MMP26: variants seen among roughly 807,000 people sequenced by gnomAD.
MMP26 encodes matrix metalloproteinase-26.
A neutral mutation model predicts 31.0 loss-of-function variants in MMP26; 33 were observed. That is an observed-to-expected ratio of 1.06 (90% confidence interval 0.81 to 1.42). The LOEUF (loss-of-function observed/expected upper bound fraction) is 1.42, where lower values mean the gene tolerates loss of function less well. Among genes scored for constraint, MMP26 ranks in the 40% most tolerant of loss-of-function variants. The probability of loss-of-function intolerance (pLI) is 0.00; values close to 1 mark genes in which losing one functional copy is unlikely to be tolerated. For synonymous variants in MMP26, 122 were observed against 114.9 expected (o/e 1.06, Z -0.40); for missense variants, 347 against 316.1 (o/e 1.10, Z -0.74).
At chr11:4,789,530 C>CCTTTTTT (rs1848993184) in intron 2 of MMP26, among the ~76,000 whole-genome samples, 13 of 65,944 alleles carry the variant, frequency 2.0e-4, no homozygotes, top group Non-Finnish European at 2.2e-4. Context: ...TATCCCCCCA[C>CCTTTTTT]TTTTTTTTTT....
intron 2 of MMP26, among the ~76,000 whole-genome samples, chr11:4,974,307 G>T (rs1032124908): frequency 2.0e-5 from 3 of 151,314 alleles, no homozygotes; most frequent in Admixed American, 6.6e-5. Context: ...GAAAAAAAAG[G>T]TCTAAAATTT....
At chr11:4,940,254 C>T (rs912584690) in intron 2 of MMP26, among the ~76,000 whole-genome samples, 1 of 152,136 alleles carries the variant, frequency 6.6e-6, no homozygotes, top group Non-Finnish European at 1.5e-5. Context: ...ACATCCTTCT[C>T]ACACGTATCA....
At chr11:4,820,022 A>T (rs1275715654) in intron 2 of MMP26, among the ~76,000 whole-genome samples, 1 of 152,162 alleles carries the variant, frequency 6.6e-6, no homozygotes, top group Non-Finnish European at 1.5e-5. Context: ...TCATATCTCC[A>T]CAGTTCACAT....
intron 2 of MMP26, among the ~76,000 whole-genome samples, chr11:4,987,182 G>A (rs1303353948): frequency 6.6e-6 from 1 of 150,934 alleles, no homozygotes; most frequent in African/African-American, 2.4e-5. Flanking sequence ...GCACCCAGCC[G>A]AGTCGTGTGA....
rs188290108 is a variant in MMP26, at chr11:4,706,025, A to T, written c.-217+980A>T. ...TGTTCTTGGACCCATGTTTGCTAATAGAGTTCCCTCTGTTACAAGAATCCT... is the reference window on the plus strand; with the variant it reads ...TGTTCTTGGACCCATGTTTGCTAATTGAGTTCCCTCTGTTACAAGAATCCT... On this transcript the variant is annotated intron_variant, in intron 1 of 7. Transcript: ENST00000380390. Among the ~76,000 whole-genome samples, 367 of 152,100 alleles carry T rather than the reference A, an allele frequency of 2.4e-3. 1 individual carries two copies. The highest frequency in any genetic ancestry group is 8.4e-3 in the African/African-American group (349 of 41,472).
intron 1 of MMP26, chr11:4,736,439 C>G (rs968688601): frequency 7.2e-5 from 11 of 152,128 alleles, no homozygotes; most frequent in Admixed American, 6.5e-4. Flanking sequence ...TCTTAATAAT[C>G]AGGATATAGG....
intron 1 of MMP26, among the ~76,000 whole-genome samples, chr11:4,737,510 G>C (rs1226112688): frequency 6.6e-6 from 1 of 152,150 alleles, no homozygotes; most frequent in Non-Finnish European, 1.5e-5. Context: ...TGGCGTGGTG[G>C]TGCATGCCTG....
intron 2 of MMP26, among the ~76,000 whole-genome samples, chr11:4,863,295 G>C (rs1478588029): frequency 3.3e-5 from 5 of 150,546 alleles, no homozygotes; most frequent in Non-Finnish European, 4.4e-5. Flanking sequence ...TTAATTTTCA[G>C]ACCCTTCCTT....
chr11:4,923,530 C>T (rs747446143), intron 2 of MMP26: 2 of 1,614,068 alleles, frequency 1.2e-6, no homozygotes, highest in East Asian at 4.5e-5. Flanking sequence ...CAACGCGGGG[C>T]AGATGTTCAC....
At chr11:4,782,103 A>G (rs1276233319) in intron 2 of MMP26, among the ~76,000 whole-genome samples, 1 of 152,236 alleles carries the variant, frequency 6.6e-6, no homozygotes, top group African/African-American at 2.4e-5. Flanking sequence ...ACTGCTGAAA[A>G]GATACCCCAA....
chr11:4,918,020 T>C (rs1037793895), intron 2 of MMP26, among the ~76,000 whole-genome samples: 25 of 151,840 alleles, frequency 1.6e-4, no homozygotes, highest in African/African-American at 5.6e-4. Context: ...ATAGAATTAC[T>C]GAAGAACAGC....
intron 2 of MMP26, among the ~76,000 whole-genome samples, chr11:4,797,266 G>C (rs1054896037): frequency 3.9e-5 from 6 of 152,108 alleles, no homozygotes; most frequent in South Asian, 2.1e-4. Context: ...AGAAATGAAA[G>C]AATGAATGAA....
intron 5 of MMP26, 72 bp downstream of exon 5, chr11:4,990,818 C>A: frequency 2.1e-6 from 3 of 1,438,236 alleles, no homozygotes; most frequent in South Asian, 1.6e-5. Context: ...CATCCTTAAA[C>A]AAAAACCTAG....
intron 2 of MMP26, among the ~76,000 whole-genome samples, chr11:4,854,430 C>T (rs374763248): frequency 5.9e-4 from 90 of 152,306 alleles, no homozygotes; most frequent in African/African-American, 1.9e-3. Context: ...ACGCCTGGCT[C>T]GGAGGGTCCC....
chr11:4,719,131 C>T (rs1343819443), intron 1 of MMP26: 1 of 155,298 alleles, frequency 6.4e-6, no homozygotes, highest in Non-Finnish European at 1.5e-5. Context: ...CTGCTGCAGC[C>T]ACGTGCTCCA....
intron 2 of MMP26, among the ~76,000 whole-genome samples, chr11:4,796,944 T>G (rs1178096670): frequency 6.6e-6 from 1 of 152,066 alleles, no homozygotes; most frequent in African/African-American, 2.4e-5. Context: ...CGGGCTCCTG[T>G]ACTCACCTGC....
chr11:4,929,868 TAAG>T (rs2133589582), intron 2 of MMP26, among the ~76,000 whole-genome samples: 1 of 152,244 alleles, frequency 6.6e-6, no homozygotes, highest in African/African-American at 2.4e-5. Flanking sequence ...TTAATTCAGT[TAAG>T]AAGTTCAGCA....
intron 2 of MMP26, among the ~76,000 whole-genome samples, chr11:4,815,876 T>C (rs1425559862): frequency 1.3e-5 from 2 of 152,188 alleles, no homozygotes; most frequent in Non-Finnish European, 2.9e-5. Context: ...TCAGTCCTAA[T>C]GAGTCAGAAT....
chr11:4,914,314 A>G, intron 2 of MMP26: 1 of 166,120 alleles, frequency 6.0e-6, no homozygotes, highest in Non-Finnish European at 1.3e-5. Context: ...AAACAGACAG[A>G]AACAGTGGTG....
Sources: allele counts gnomAD v4.1 joint callset (sites outside exome capture counted in the v4.1 genomes callset), GRCh38; gene constraint gnomAD v4.1.1; transcripts MANE v1.5; gene names NCBI Gene and HGNC (gene_info 2026-07-23, HGNC 2026-07-21).